CLVS2: variants seen among roughly 807,000 people sequenced by gnomAD.
The protein encoded by CLVS2 is clavesin-2.
CLVS2 carries 19 observed loss-of-function variants against 29.0 expected under a neutral mutation model. The observed-to-expected ratio is 0.66, with a 90% CI of 0.46 to 0.96. The LOEUF (loss-of-function observed/expected upper bound fraction) is 0.96. CLVS2 is among the 40% of genes least tolerant of loss of function. CLVS2 has a pLI of 0.00. For synonymous variants in CLVS2, 161 were observed against 151.3 expected, an observed-to-expected ratio of 1.06 and a Z score of -0.47; for missense variants, 294 against 404.1, an observed-to-expected ratio of 0.73 and a Z score of 2.34.
intron 2 of CLVS2, among the ~76,000 whole-genome samples, chr6:123,000,496 T>C (rs1402966146): frequency 6.6e-6 from 1 of 152,168 alleles, no homozygotes; most frequent in Non-Finnish European, 1.5e-5. Context: ...ACAGCTGCCT[T>C]TCTGCCAATG....
At chr6:122,999,212 A>G (rs997616558) in intron 2 of CLVS2, among the ~76,000 whole-genome samples, 2 of 152,186 alleles carry the variant, frequency 1.3e-5, no homozygotes, top group African/African-American at 4.8e-5. Flanking sequence ...AGTTTAAATC[A>G]TCTCTGGAGC....
At chr6:123,035,193 T>G (rs2114338710) in intron 3 of CLVS2, among the ~76,000 whole-genome samples, 1 of 152,236 alleles carries the variant, frequency 6.6e-6, no homozygotes. Flanking sequence ...AGCAGAATTC[T>G]TCAAAGTAAA....
intron 1 of CLVS2, among the ~76,000 whole-genome samples, chr6:122,996,964 G>A (rs1013610844): frequency 6.6e-6 from 1 of 152,038 alleles, no homozygotes; most frequent in Non-Finnish European, 1.5e-5. Flanking sequence ...AGAAGTTGGG[G>A]GTGGGGTTGG....
intron 5 of CLVS2, among the ~76,000 whole-genome samples, chr6:123,060,009 A>G (rs181763484): frequency 1.8e-3 from 276 of 152,324 alleles, no homozygotes; most frequent in African/African-American, 6.0e-3. Context: ...TGAGATTAAG[A>G]AAGGTGTTGC....
intron 3 of CLVS2, among the ~76,000 whole-genome samples, chr6:123,015,251 T>C (rs1196244542): frequency 1.3e-5 from 2 of 151,930 alleles, no homozygotes; most frequent in Non-Finnish European, 2.9e-5. Flanking sequence ...GCATACTATA[T>C]GGTGTGGCTT....
chr6:123,021,037 TATCTG>T (rs1361863449), intron 3 of CLVS2, among the ~76,000 whole-genome samples: 3 of 138,486 alleles, frequency 2.2e-5, no homozygotes, highest in African/African-American at 8.2e-5. Context: ...ATTGTTCACT[TATCTG>T]AAAGAGTATG....
At chr6:123,042,902 C>T (rs1191593528) in intron 3 of CLVS2, among the ~76,000 whole-genome samples, 3 of 152,082 alleles carry the variant, frequency 2.0e-5, no homozygotes, top group Non-Finnish European at 4.4e-5. Context: ...TATCCAAATG[C>T]TGTTATACTA....
In CLVS2 at chr6:123,006,809, G is replaced by A. The variant is rs528892838; in HGVS notation, c.390-4176G>A. On this transcript the variant is annotated intron_variant, in intron 2 of 5. Coordinates refer to ENST00000275162, the MANE Select transcript of CLVS2 (RefSeq NM_001010852.4). ...ACACTAGCTCTGTGGATATCGAGCC[G>A]TCACCAATGTATTGGCCAAGGGGAT... 7.2e-5 allele frequency among the ~76,000 whole-genome samples: 11 copies of A among 152,250 alleles called. No homozygotes were observed. In the East Asian group the frequency reaches 1.2e-3, roughly 16 times the overall value.
chr6:123,018,566 G>A (rs965966585), intron 3 of CLVS2, among the ~76,000 whole-genome samples: 1 of 151,568 alleles, frequency 6.6e-6, no homozygotes. Context: ...CAGAATCTTA[G>A]AAGTGAGTGA....
chr6:123,059,104 C>T (rs548926853), intron 5 of CLVS2, among the ~76,000 whole-genome samples: 1 of 152,274 alleles, frequency 6.6e-6, no homozygotes, highest in South Asian at 2.1e-4. Context: ...GCTTTTCAGA[C>T]ACATTAGTCT....
intron 3 of CLVS2, among the ~76,000 whole-genome samples, chr6:123,022,592 G>A (rs1330376277): frequency 6.6e-6 from 1 of 152,060 alleles, no homozygotes; most frequent in Non-Finnish European, 1.5e-5. Flanking sequence ...TGGATCCCCA[G>A]AGAGGTCTTT....
chr6:123,041,650 T>A (rs974281437), intron 3 of CLVS2, among the ~76,000 whole-genome samples: 1 of 152,140 alleles, frequency 6.6e-6, no homozygotes, highest in Non-Finnish European at 1.5e-5. Flanking sequence ...AATGGGGAAA[T>A]GATTTTTTTT....
At chr6:123,044,455 T>A (rs1775279474) in intron 3 of CLVS2, among the ~76,000 whole-genome samples, 1 of 151,954 alleles carries the variant, frequency 6.6e-6, no homozygotes, top group East Asian at 1.9e-4. Context: ...TGTGTTTTTT[T>A]CCAGAGAGCA....
chr6:123,044,362 T>C (rs1258304903), intron 3 of CLVS2, among the ~76,000 whole-genome samples: 5 of 152,160 alleles, frequency 3.3e-5, no homozygotes, highest in Admixed American at 2.0e-4. Flanking sequence ...TAGATAGATC[T>C]CAATCAATTT....
chr6:123,055,876 T>C lies in CLVS2; in HGVS notation c.746T>C (p.Phe249Ser). The C allele has an allele frequency of 6.2e-7, 1 of 1,614,092 alleles. No individual in the cohort carries two copies. Reference sequence around the variant, plus strand: ...CATCCTGAGATCCTGCCCTCTGAGTTTGGAGGAATGCTGCCTCCTTATGAC... The same window carrying C: ...CATCCTGAGATCCTGCCCTCTGAGTCTGGAGGAATGCTGCCTCCTTATGAC... Reference protein sequence around the residue: ...LIHPEILPSEFGGMLPPYDMG... With the variant: ...LIHPEILPSESGGMLPPYDMG... Residue 249 changes from phenylalanine to serine, a missense_variant, in exon 5 of 6, where the codon TTT (phenylalanine) becomes TCT (serine). This residue lies in a region of CLVS2 where 212 missense variants were observed against 336.4 expected (regional missense o/e 0.63). Transcript: ENST00000275162.
chr6:123,024,895 T>C (rs1038471494), intron 3 of CLVS2, among the ~76,000 whole-genome samples: 15 of 151,994 alleles, frequency 9.9e-5, no homozygotes, highest in Admixed American at 8.5e-4. Context: ...GAAATATAAA[T>C]GGGAAGACAA....
chr6:123,069,907 T>C lies in CLVS2; in HGVS notation c.*6146T>C, dbSNP rs1006217699. On this transcript the variant is annotated 3_prime_UTR_variant, in exon 6 of 6. Coordinates refer to ENST00000275162, the MANE Select transcript of CLVS2 (RefSeq NM_001010852.4). ...TGCTGTTTTCCTCCCTTTTTTCTAA[T>C]TGGCATCATAAAAGTATAAGAAGCC... 4 of 151,898 alleles carry C rather than the reference T, an allele frequency of 2.6e-5. No homozygotes were observed. The highest frequency in any genetic ancestry group is 5.9e-5 in the Non-Finnish European group (4 of 67,888). The allele number at this position is 151,898 out of a possible 1,614,324, so 9.4% of individuals were successfully genotyped here.
rs75133224 is a variant in CLVS2 at position 123,049,026 on chromosome 6, T to C, written c.675+294T>C. Among the ~76,000 whole-genome samples the C allele has an allele frequency of 5.2e-3, 791 of 152,318 alleles. 12 individuals are homozygous for C. Among genetic ancestry groups the C allele is most frequent in the African/African-American group, 0.018 (743 of 41,582 alleles). On this transcript the variant is annotated intron_variant, in intron 4 of 5. Transcript: ENST00000275162. The stretch of plus-strand genomic sequence containing the variant: ...AAAAAAAACTCTTATGCCATGTTAC[T>C]ATAGTGTTATTGATGCACTTAATTT...
chr6:123,030,849 T>TATAC (rs1554202198), intron 3 of CLVS2, among the ~76,000 whole-genome samples: 2 of 147,824 alleles, frequency 1.4e-5, no homozygotes, highest in South Asian at 2.1e-4. Context: ...TATATATATA[T>TATAC]ACACACACAT....
Sources: gnomAD v4.1 joint callset for allele counts (sites outside exome capture counted in the v4.1 genomes callset) on GRCh38, gnomAD v4.1.1 for gene constraint, gnomAD v4.1.1 regional missense constraint, MANE v1.5 for transcripts, NCBI Gene and HGNC (gene_info 2026-07-23, HGNC 2026-07-21) for gene names.